HP1BP3: variants seen among roughly 807,000 people sequenced by gnomAD.
HP1BP3 encodes heterochromatin protein 1-binding protein 3.
A neutral mutation model predicts 62.5 loss-of-function variants in HP1BP3; 12 were observed. The ratio of observed to expected loss-of-function variants is 0.19; its 90% CI spans 0.12 to 0.31. The LOEUF is 0.31. HP1BP3 is among the 10% of genes least tolerant of loss of function. The pLI, the probability that HP1BP3 is intolerant of heterozygous loss-of-function variation, is 1.00. For missense variants in HP1BP3, 502 were observed against 651.8 expected (o/e 0.77, Z 2.50); for synonymous variants, 260 against 237.8 (o/e 1.09, Z -0.86).
At position 20,745,637 on chromosome 1, in the gene HP1BP3, T is replaced by G; in HGVS notation, c.1273A>C (p.Lys425Gln). ...TCTCTAGAATCATCTGGCTCTTTCT[T>G]CGGAAACAGAACTCCTGGGCTATAC... Reference protein sequence around the residue: ...YYPSPGVLFPKKEPDDSRDED... With the variant: ...YYPSPGVLFPQKEPDDSRDED... The change falls in exon 12 of 13, where the codon AAG (lysine) becomes CAG (glutamine). Residue 425 changes from lysine (K) to glutamine (Q), a missense_variant. Physicochemically the swap from Lys to Gln is moderately conservative, Grantham distance 53. Around this residue, in one of 5 missense-constraint regions of HP1BP3, gnomAD observed 194 missense variants for 207.0 expected, o/e 0.94. Coordinates refer to ENST00000438032, the MANE Select transcript of HP1BP3 (RefSeq NM_001372052.1). The G allele has an allele frequency of 6.2e-7, 1 of 1,614,040 alleles. No individual in the cohort carries two copies. Among genetic ancestry groups the G allele is most frequent in the Non-Finnish European group, 8.5e-7 (1 of 1,179,938 alleles).
At chr1:20,783,793 A>AG (rs2057688389) in intron 1 of HP1BP3, among the ~76,000 whole-genome samples, 1 of 150,640 alleles carries the variant, frequency 6.6e-6, no homozygotes, top group African/African-American at 2.4e-5. Context: ...AAAAAAAAAA[A>AG]AGAGATGTTA....
At chr1:20,759,641 CTT>C (rs932765696) in intron 8 of HP1BP3, among the ~76,000 whole-genome samples, 6 of 152,150 alleles carry the variant, frequency 3.9e-5, no homozygotes, top group Non-Finnish European at 5.9e-5. Flanking sequence ...ATACATTTCT[CTT>C]GTTTATATGC....
At chr1:20,777,699 C>T (rs2057366607) in intron 3 of HP1BP3, among the ~76,000 whole-genome samples, 1 of 152,188 alleles carries the variant, frequency 6.6e-6, no homozygotes, top group Non-Finnish European at 1.5e-5. Flanking sequence ...ACCTCGTGAT[C>T]CACCCGCCTC....
rs1389681186 is a variant in HP1BP3 at position 20,742,908 on chromosome 1, A to G, written c.*1889T>C. ...GAGACAAAAGTGGAATGAATAAGAA[A>G]CAAACATCTTTTGCCTCTGGCAGTA... On this transcript the variant is annotated 3_prime_UTR_variant, in exon 13 of 13. Coordinates refer to ENST00000438032, the MANE Select transcript of HP1BP3 (RefSeq NM_001372052.1). The G allele has an allele frequency of 1.3e-5, 2 of 152,658 alleles. No individual in the cohort carries two copies. The highest frequency in any genetic ancestry group is 2.9e-5 in the Non-Finnish European group (2 of 68,040). 9.5% of individuals were successfully genotyped at this position (152,658 alleles called of 1,614,324 possible).
intron 8 of HP1BP3, 116 bp from the exon 9 acceptor site, chr1:20,757,372 A>AT (rs760873385): frequency 0.035 from 11,752 of 333,380 alleles, 131 homozygotes; most frequent in African/African-American, 0.058. Flanking sequence ...TATTATTATT[A>AT]TTTTTTTTTT....
chr1:20,780,616 T>A (rs1271974898), intron 1 of HP1BP3, 76 bp from the exon 2 acceptor site: 4 of 572,946 alleles, frequency 7.0e-6, no homozygotes, highest in African/African-American at 3.7e-5. Context: ...TTAATACACA[T>A]CCAAAGGGAA....
chr1:20,779,010 G>C (rs536977136), intron 3 of HP1BP3, among the ~76,000 whole-genome samples: 1 of 151,966 alleles, frequency 6.6e-6, no homozygotes, highest in Non-Finnish European at 1.5e-5. Context: ...GGCTGGTCTC[G>C]AACTCCTGAC....
chr1:20,767,136 G>A (rs993886169), intron 7 of HP1BP3, among the ~76,000 whole-genome samples: 7 of 151,954 alleles, frequency 4.6e-5, no homozygotes, highest in African/African-American at 7.3e-5. Flanking sequence ...TGGCCAACAC[G>A]GTAAAACCCT....
chr1:20,755,325 T>A, intron 9 of HP1BP3: 1 of 448,914 alleles, frequency 2.2e-6, no homozygotes, highest in South Asian at 1.6e-5. Flanking sequence ...TCCAACACTT[T>A]GGGAAGCTGA....
rs184033717 is a variant in HP1BP3 at position 20,745,063 on chromosome 1, G to A, written c.1396C>T (p.Pro466Ser). The part of the protein sequence containing the change: ...RLQKKTPAKS[P>S]GKAASVKQRG... Reference sequence around the variant, plus strand: ...TGCTTCACAGATGCGGCCTTCCCTGGGGACTTGGCTGGGGTTTTCTTCTGC... The same window carrying A: ...TGCTTCACAGATGCGGCCTTCCCTGAGGACTTGGCTGGGGTTTTCTTCTGC... Residue 466 changes from proline to serine, a missense_variant, in exon 13 of 13, where the codon CCA (proline) becomes TCA (serine). By Grantham distance (74) the Pro-to-Ser change is moderately conservative. Transcript: ENST00000438032. The A allele has an allele frequency of 5.0e-6, 8 of 1,611,666 alleles. No homozygotes were observed. In the African/African-American group the frequency reaches 8.0e-5, roughly 16 times the overall value.
At chr1:20,765,611 G>C in intron 7 of HP1BP3, 80 bp from the exon 8 acceptor site, 1 of 1,134,138 alleles carries the variant, frequency 8.8e-7, no homozygotes, top group Non-Finnish European at 1.3e-6. Context: ...TTCCTCAGTT[G>C]ATTACCAAAT....
chr1:20,759,866 C>A (rs1279979043), intron 8 of HP1BP3, among the ~76,000 whole-genome samples: 3 of 145,284 alleles, frequency 2.1e-5, no homozygotes, highest in Non-Finnish European at 4.5e-5. Flanking sequence ...CCTTGTGGGC[C>A]ATTTTAAAGA....
chr1:20,775,510 A>G (rs879629087), intron 4 of HP1BP3: 4 of 152,416 alleles, frequency 2.6e-5, no homozygotes, highest in African/African-American at 4.8e-5. Context: ...TTTTAGTTTT[A>G]AAAGTTGCTA....
At chr1:20,759,879 G>A (rs12086615) in intron 8 of HP1BP3, among the ~76,000 whole-genome samples, 1 of 100,948 alleles carries the variant, frequency 9.9e-6, no homozygotes, top group East Asian at 2.1e-4. Flanking sequence ...TTTAAAGACC[G>A]ATTTTTTTTT....
intron 6 of HP1BP3, among the ~76,000 whole-genome samples, chr1:20,769,978 TA>T (rs1221737864): frequency 2.6e-5 from 4 of 152,216 alleles, no homozygotes; most frequent in African/African-American, 7.2e-5. Flanking sequence ...ACTAGGTTTT[TA>T]AAATTTTTGC....
chr1:20,751,549 ACTCT>A (rs753448929), intron 9 of HP1BP3, among the ~76,000 whole-genome samples: 5 of 151,356 alleles, frequency 3.3e-5, no homozygotes, highest in East Asian at 1.9e-4. Flanking sequence ...ACATAGTGAG[ACTCT>A]CTCTCTACTA....
At chr1:20,775,215 G>A (rs539620564) in intron 4 of HP1BP3, among the ~76,000 whole-genome samples, 3 of 152,274 alleles carry the variant, frequency 2.0e-5, no homozygotes, top group Non-Finnish European at 2.9e-5. Context: ...GTGTGTTGCT[G>A]CCCCTGAAGG....
chr1:20,781,924 C>T (rs1415170731), intron 1 of HP1BP3, among the ~76,000 whole-genome samples: 1 of 152,036 alleles, frequency 6.6e-6, no homozygotes, highest in Non-Finnish European at 1.5e-5. Flanking sequence ...CCGCACCCGG[C>T]CCATTTTTCT....
At position 20,745,010 on chromosome 1, in the gene HP1BP3, G is replaced by T. The variant is rs992962851; in HGVS notation, c.1449C>A (p.Val483=). The T allele has an allele frequency of 1.8e-5, 29 of 1,614,154 alleles. 1 individual carries two copies. The African/African-American group carries it at 2.9e-4, about 16-fold the overall frequency. ...TAGCTTTCCCCCGCTGGGCAGCTGA[G>T]ACTTTAGGTGCAGGTTTGGACCCTC... ...KQRGSKPAPK[V]SAAQRGKARP... Residue 483 remains valine, a synonymous_variant, in exon 13 of 13, where the codon GTC becomes GTA. Transcript: ENST00000438032.
Sources: gnomAD v4.1 joint callset for allele counts (sites outside exome capture counted in the v4.1 genomes callset) on GRCh38, gnomAD v4.1.1 for gene constraint, gnomAD v4.1.1 regional missense constraint, MANE v1.5 for transcripts, NCBI Gene and HGNC (gene_info 2026-07-23, HGNC 2026-07-21) for gene names.